ELAVL2: variants seen among roughly 807,000 people sequenced by gnomAD.
ELAVL2 encodes the protein ELAV-like protein 2.
In ELAVL2, 4 loss-of-function variants were observed where a neutral mutation model predicts 34.6. That is an observed-to-expected ratio of 0.12 (90% CI 0.06 to 0.26). ELAVL2 has a LOEUF of 0.26. Ranked by LOEUF, ELAVL2 falls within the 10% of genes least tolerant of loss-of-function variation. The pLI is 1.00. For synonymous variants in ELAVL2, 193 were observed against 154.8 expected, an observed-to-expected ratio of 1.25 and a Z score of -1.83; for missense variants, 432 against 442.8, an observed-to-expected ratio of 0.98 and a Z score of 0.22.
intron 1 of ELAVL2, among the ~76,000 whole-genome samples, chr9:23,819,096 A>AT (rs1234733669): frequency 5.3e-5 from 8 of 152,168 alleles, no homozygotes; most frequent in Non-Finnish European, 1.2e-4. Flanking sequence ...GAGGCACATT[A>AT]TTTTTAAAAG....
chr9:23,719,575 A>G (rs1016962478), intron 3 of ELAVL2, among the ~76,000 whole-genome samples: 1 of 152,204 alleles, frequency 6.6e-6, no homozygotes, highest in African/African-American at 2.4e-5. Flanking sequence ...GCTTTCACAT[A>G]GCTTTGGGGC....
chr9:23,780,342 A>G (rs940593549), intron 1 of ELAVL2, among the ~76,000 whole-genome samples: 2 of 152,178 alleles, frequency 1.3e-5, no homozygotes, highest in South Asian at 2.1e-4. Context: ...TATAAACACT[A>G]AAAAGTGTTT....
rs201108944 is a variant in ELAVL2 at position 23,731,073 on chromosome 9, C to T, written c.282G>A (p.Glu94=). ...FVNYIDPKDA[E]KAINTLNGLR... ...ATCCATTCAGGGTGTTGATAGCTTT[C>T]TCTGCATCCTTGGGGTCAATGTAGT... The change falls in exon 3 of 7, where the codon GAG becomes GAA. Residue 94 remains glutamate (E), a synonymous_variant. Coordinates refer to ENST00000397312, the MANE Select transcript of ELAVL2 (RefSeq NM_004432.5). 14 of 1,613,252 alleles carry T rather than the reference C, an allele frequency of 8.7e-6. No individual in the cohort carries two copies. The African/African-American group carries it at 1.2e-4, about 14-fold the overall frequency.
chr9:23,850,181 AT>A, the ELAVL2 span, among the ~76,000 whole-genome samples: 1 of 151,776 alleles, frequency 6.6e-6, no homozygotes, highest in Non-Finnish European at 1.5e-5. Context: ...TGGAGGGGAA[AT>A]TGATCCAAGC....
intron 1 of ELAVL2, among the ~76,000 whole-genome samples, chr9:23,778,063 C>T (rs748627063): frequency 5.3e-5 from 8 of 152,114 alleles, no homozygotes; most frequent in Non-Finnish European, 1.2e-4. Flanking sequence ...TGGCTATGAC[C>T]AGCAGGAAGA....
intron 2 of ELAVL2, among the ~76,000 whole-genome samples, chr9:23,739,357 C>A (rs1439977337): frequency 1.3e-5 from 2 of 152,126 alleles, no homozygotes; most frequent in Non-Finnish European, 2.9e-5. Flanking sequence ...GAGCTGCCAC[C>A]AGGATAGAGC....
chr9:23,733,608 C>G (rs2047136263), intron 2 of ELAVL2, among the ~76,000 whole-genome samples: 1 of 152,244 alleles, frequency 6.6e-6, no homozygotes, highest in African/African-American at 2.4e-5. Flanking sequence ...TTCAAAGAAA[C>G]AGTTTATTGG....
At chr9:23,724,473 C>T (rs1271765944) in intron 3 of ELAVL2, among the ~76,000 whole-genome samples, 1 of 152,142 alleles carries the variant, frequency 6.6e-6, no homozygotes, top group Non-Finnish European at 1.5e-5. Context: ...ACTTGGGCTA[C>T]CTACCCACAT....
chr9:23,696,968 A>G lies in ELAVL2; in HGVS notation c.714-3482T>C, dbSNP rs954597876. The stretch of plus-strand genomic sequence containing the variant: ...ATTTAAAATAAAGTATTTTTTACTT[A>G]TATTTAATAGATGCACTGAACCCAG... On this transcript the variant is annotated intron_variant, in intron 5 of 6. Transcript: ENST00000397312. 3.9e-5 allele frequency among the ~76,000 whole-genome samples: 6 copies of G among 152,118 alleles called. No individual in the cohort carries two copies. The South Asian group carries it at 6.2e-4, about 16-fold the overall frequency.
At chr9:23,744,252 CTT>C (rs2049971913) in intron 2 of ELAVL2, among the ~76,000 whole-genome samples, 1 of 152,118 alleles carries the variant, frequency 6.6e-6, no homozygotes, top group Non-Finnish European at 1.5e-5. Flanking sequence ...TAGAATCACT[CTT>C]GTTAAAAGAG....
intron 1 of ELAVL2, among the ~76,000 whole-genome samples, chr9:23,768,355 C>T (rs1588282565): frequency 6.6e-6 from 1 of 151,894 alleles, no homozygotes; most frequent in Admixed American, 6.6e-5. Context: ...ACAAACTAAG[C>T]ATTGAAAAAG....
At chr9:23,702,890 G>A (rs976393811) in intron 4 of ELAVL2, among the ~76,000 whole-genome samples, 39 of 127,578 alleles carry the variant, frequency 3.1e-4, no homozygotes, top group African/African-American at 1.1e-3. Flanking sequence ...ATCTACTAGC[G>A]CCTATTAAGA....
chr9:23,823,448 GTTTT>G (rs1475706245), intron 1 of ELAVL2, among the ~76,000 whole-genome samples: 1 of 152,148 alleles, frequency 6.6e-6, no homozygotes, highest in African/African-American at 2.4e-5. Flanking sequence ...CAACCGTAGC[GTTTT>G]TTGTGAAGAG....
intron 1 of ELAVL2, among the ~76,000 whole-genome samples, chr9:23,807,453 T>C (rs931044498): frequency 3.3e-5 from 5 of 152,184 alleles, no homozygotes; most frequent in Admixed American, 3.3e-4. Context: ...ACTGACATTT[T>C]TTTAAAAAGT....
chr9:23,768,939 CT>C (rs1321366444), intron 1 of ELAVL2, among the ~76,000 whole-genome samples: 2 of 152,184 alleles, frequency 1.3e-5, no homozygotes, highest in Non-Finnish European at 2.9e-5. Context: ...GATAACATCT[CT>C]TAAAAGAATC....
chr9:23,837,429 CAGG>C, the ELAVL2 span, among the ~76,000 whole-genome samples: 1 of 152,142 alleles, frequency 6.6e-6, no homozygotes, highest in African/African-American at 2.4e-5. Context: ...TCATGATTCC[CAGG>C]AGAAGACTAG....
At chr9:23,764,004 T>C (rs1195728898) in intron 1 of ELAVL2, among the ~76,000 whole-genome samples, 1 of 152,186 alleles carries the variant, frequency 6.6e-6, no homozygotes, top group Admixed American at 6.6e-5. Context: ...TTTATTATAA[T>C]TAGCAAATCT....
intron 1 of ELAVL2, among the ~76,000 whole-genome samples, chr9:23,806,286 C>T (rs945285702): frequency 6.6e-6 from 1 of 151,966 alleles, no homozygotes; most frequent in Non-Finnish European, 1.5e-5. Context: ...TAACATTTAC[C>T]TTCAGCATAT....
chr9:23,810,386 A>G (rs2138056053), intron 1 of ELAVL2, among the ~76,000 whole-genome samples: 1 of 152,192 alleles, frequency 6.6e-6, no homozygotes, highest in Non-Finnish European at 1.5e-5. Context: ...TGCTACAGGG[A>G]CCACAGTGAA....
Sources: gnomAD v4.1 joint callset for allele counts (sites outside exome capture counted in the v4.1 genomes callset) on GRCh38, gnomAD v4.1.1 for gene constraint, MANE v1.5 for transcripts, NCBI Gene and HGNC (gene_info 2026-07-23, HGNC 2026-07-21) for gene names.